ATP6AP1: variants seen among roughly 807,000 people sequenced by gnomAD.
ATP6AP1 encodes the protein ATPase H+ transporting accessory protein 1.
A neutral mutation model predicts 32.0 loss-of-function variants in ATP6AP1; 1 was observed. That is an observed-to-expected ratio of 0.03 (90% CI 0.01 to 0.15). ATP6AP1 has a LOEUF of 0.15. Among genes scored for constraint, ATP6AP1 ranks in the 10% least tolerant of loss-of-function variants. The pLI is 1.00. For missense variants in ATP6AP1, 297 were observed against 398.8 expected, an observed-to-expected ratio of 0.74 and a Z score of 2.17; for synonymous variants, 187 against 174.9, an observed-to-expected ratio of 1.07 and a Z score of -0.55.
At chrX:154,432,034 CA>C (rs2068696202) in intron 3 of ATP6AP1, 130 bp downstream of exon 3, 2 of 749,671 alleles carry the variant, frequency 2.7e-6, no homozygotes. Flanking sequence ...CCATCCCCCC[CA>C]AAAACAACAA....
At chrX:154,431,676 C>G in intron 2 of ATP6AP1, 154 bp from the exon 3 acceptor site, 1 of 519,091 alleles carries the variant, frequency 1.9e-6, no homozygotes, top group Non-Finnish European at 3.3e-6. Context: ...CCCACCCCAC[C>G]CCCACCAACA....
chrX:154,433,194 C>T (rs1557197118), intron 5 of ATP6AP1, among the ~76,000 whole-genome samples: 2 of 112,010 alleles, frequency 1.8e-5, no homozygotes, highest in African/African-American at 6.5e-5. Context: ...AGGGGGGCGG[C>T]TCTCTGTGCT....
chrX:154,431,569 T>A (rs1557196773), intron 2 of ATP6AP1: 2 of 349,846 alleles, frequency 5.7e-6, no homozygotes, highest in Non-Finnish European at 9.9e-6. Flanking sequence ...ACTCCTGAGT[T>A]ACCACAAGTC....
Position 154,435,978 on chromosome X carries a change from C to T in ATP6AP1, c.*87C>T. On this transcript the variant is annotated 3_prime_UTR_variant, in exon 10 of 10. Transcript: ENST00000369762. The stretch of plus-strand genomic sequence containing the variant: ...CAGCGCACTGGACTGAAGAGCTTCC[C>T]TCTTCCTACTGCAGCATGAACTGCA... 1 of 900,643 alleles carries T rather than the reference C, an allele frequency of 1.1e-6. No individual in the cohort carries two copies. The highest frequency in any genetic ancestry group is 1.6e-6 in the Non-Finnish European group (1 of 629,137). The allele number at this position is 900,643 out of a possible 1,213,427, so 74.2% of individuals were successfully genotyped here. A position where few individuals can be genotyped will look rare whatever the true frequency, so the allele number is the denominator to read the frequency against.
intron 4 of ATP6AP1, 60 bp downstream of exon 4, chrX:154,432,519 C>G: frequency 9.0e-7 from 1 of 1,111,070 alleles, no homozygotes; most frequent in Non-Finnish European, 1.2e-6. Flanking sequence ...AGGCCCTGGG[C>G]TATGGCATGT....
In ATP6AP1 at chrX:154,428,799, C is replaced by T; in HGVS notation, c.107C>T (p.Ala36Val). 1 of 1,121,524 alleles carries T rather than the reference C, an allele frequency of 8.9e-7. No homozygotes were observed. The highest frequency in any genetic ancestry group is 1.2e-6 in the Non-Finnish European group (1 of 858,338). The allele number at this position is 1,121,524 out of a possible 1,213,427, so 92.4% of individuals were successfully genotyped here. ...LPVFLSLAAA[A>V]AAAAAEQQVP... ...GTGTTTTTGTCGTTGGCGGCGGCGGCGGCGGCGGCAGCGGCGGAGCAGCAG... is the reference window on the plus strand; with the variant it reads ...GTGTTTTTGTCGTTGGCGGCGGCGGTGGCGGCGGCAGCGGCGGAGCAGCAG... The change falls in exon 1 of 10, where the codon GCG becomes GTG. Residue 36 changes from alanine (A) to valine (V), a missense_variant. By Grantham distance (64) the Ala-to-Val change is moderately conservative. Coordinates refer to ENST00000369762, the MANE Select transcript of ATP6AP1 (RefSeq NM_001183.6).
chrX:154,435,516 G>C lies in ATP6AP1; in HGVS notation c.1203+11G>C. 2.5e-6 allele frequency: 3 copies of C among 1,207,735 alleles called. No individual in the cohort carries two copies. The highest frequency in any genetic ancestry group is 3.4e-6 in the Non-Finnish European group (3 of 893,342). On this transcript the variant is annotated intron_variant, in intron 9 of 9. Transcript: ENST00000369762. ...CTTCAGGACTTCCAGGTATGGAGCG[G>C]GCGTGGCCCAGCTTCAGGTGGGGGA...
At chrX:154,431,754 G>A (rs782256057) in intron 2 of ATP6AP1, 76 bp from the exon 3 acceptor site, 24 of 1,011,227 alleles carry the variant, frequency 2.4e-5, no homozygotes, top group Admixed American at 6.7e-5. Flanking sequence ...GAATGCACGG[G>A]GAAGGTGGCT....
At position 154,432,468 on chromosome X, in the gene ATP6AP1, C is replaced by T. The variant is rs782179986; in HGVS notation, c.557+9C>T. On this transcript the variant is annotated intron_variant, in intron 4 of 9. Coordinates refer to ENST00000369762, the MANE Select transcript of ATP6AP1 (RefSeq NM_001183.6). ...CTGCCCTACACAGCCAGGTACTGCC[C>T]GCATGGCCCAGCCACCAGCCTCGGG... 1.5e-5 allele frequency: 18 copies of T among 1,163,586 alleles called. No individual in the cohort carries two copies. The highest frequency in any genetic ancestry group is 2.5e-5 in the Admixed American group (1 of 39,489).
chrX:154,433,803 C>A, intron 6 of ATP6AP1, 83 bp downstream of exon 6: 1 of 997,673 alleles, frequency 1.0e-6, no homozygotes, highest in South Asian at 2.1e-5. Context: ...GAGTGTATGC[C>A]ACAGGTAGGC....
At position 154,434,321 on chromosome X, in the gene ATP6AP1, G is replaced by A; in HGVS notation, c.798G>A (p.Arg266=). The A allele has an allele frequency of 1.7e-6, 2 of 1,211,878 alleles. No individual in the cohort carries two copies. The highest frequency in any genetic ancestry group is 2.2e-6 in the Non-Finnish European group (2 of 895,470). ...PPVSYNDTAP[R]ILFWAQNFSV... is the part of the protein sequence containing the mutation. ...TGAGTTACAATGACACCGCTCCCCG[G>A]ATCCTGTTCTGGGCCCAAAACTTCT... The change falls in exon 7 of 10, where the codon CGG becomes CGA. Residue 266 remains arginine (R), a synonymous_variant. Coordinates refer to ENST00000369762, the MANE Select transcript of ATP6AP1 (RefSeq NM_001183.6).
In ATP6AP1 at chrX:154,428,699, G is replaced by A; in HGVS notation, c.7G>A (p.Ala3Thr). MMAAMATARVRMG... is the reference protein window; with the variant it reads MMTAMATARVRMG... ...GGCAGTGGAGGCTGAGGCTATGATG[G>A]CGGCCATGGCGACGGCTCGAGTGCG... Residue 3 changes from alanine to threonine, a missense_variant, in exon 1 of 10, where the codon GCG becomes ACG. Around this residue, in one of 2 missense-constraint regions of ATP6AP1, gnomAD observed 142 missense variants for 145.0 expected, o/e 0.98. Coordinates refer to ENST00000369762, the MANE Select transcript of ATP6AP1 (RefSeq NM_001183.6). 8.7e-7 allele frequency: 1 copy of A among 1,150,230 alleles called. No individual in the cohort carries two copies. Among genetic ancestry groups the A allele is most frequent in the Non-Finnish European group, 1.2e-6 (1 of 868,831 alleles). 94.8% of individuals were successfully genotyped at this position (1,150,230 alleles called of 1,213,427 possible).
chrX:154,431,661 A>G, intron 2 of ATP6AP1, 169 bp from the exon 3 acceptor site: 1 of 493,058 alleles, frequency 2.0e-6, no homozygotes, highest in Non-Finnish European at 3.6e-6. Context: ...GGAAGAGGTG[A>G]GTCTCCCACC....
rs1339819012 is a variant in ATP6AP1, at chrX:154,435,984, C to T, written c.*93C>T. ...ACTGGACTGAAGAGCTTCCCTCTTCCTACTGCAGCATGAACTGCAAGCTCC... is the reference window on the plus strand; with the variant it reads ...ACTGGACTGAAGAGCTTCCCTCTTCTTACTGCAGCATGAACTGCAAGCTCC... On this transcript the variant is annotated 3_prime_UTR_variant, in exon 10 of 10. Transcript: ENST00000369762. 1.1e-6 allele frequency: 1 copy of T among 878,838 alleles called. No homozygotes were observed. The highest frequency in any genetic ancestry group is 2.0e-5 in the African/African-American group (1 of 50,722). 72.4% of individuals were successfully genotyped at this position (878,838 alleles called of 1,213,427 possible).
Position 154,433,710 on chromosome X carries a change from G to A in ATP6AP1, c.674G>A (p.Arg225His), listed in dbSNP as rs782349780. ...VPYTAALTAV[R>H]PSRVARDVAV... ...TACACAGCGGCCCTCACAGCGGTCC[G>A]CCCTTCCAGGGTATGTGCCCTTCCA... Residue 225 changes from arginine (R) to histidine (H), a missense_variant, in exon 6 of 10, where the codon CGC (arginine) becomes CAC (histidine). Physicochemically the swap from Arg to His is conservative, Grantham distance 29. This residue lies in a region of ATP6AP1 where 155 missense variants were observed against 253.8 expected (regional missense o/e 0.61). Coordinates refer to ENST00000369762, the MANE Select transcript of ATP6AP1 (RefSeq NM_001183.6). 13 of 1,209,261 alleles carry A rather than the reference G, an allele frequency of 1.1e-5. No homozygotes were observed. The highest frequency in any genetic ancestry group is 1.7e-5 in the African/African-American group (1 of 57,268).
intron 9 of ATP6AP1, 59 bp downstream of exon 9, chrX:154,435,564 CG>C (rs2068715030): frequency 8.5e-7 from 1 of 1,181,492 alleles, no homozygotes; most frequent in African/African-American, 1.8e-5. Flanking sequence ...GGTTGAGAGA[CG>C]AAGAGAGGCT....
At chrX:154,435,077 C>T in intron 7 of ATP6AP1, 62 bp from the exon 8 acceptor site, 1 of 1,153,621 alleles carries the variant, frequency 8.7e-7, no homozygotes, top group Non-Finnish European at 1.2e-6. Flanking sequence ...GGAACTTGTT[C>T]CTCTAAGATG....
At chrX:154,429,953 G>A (rs1278265211) in intron 2 of ATP6AP1, 2 of 112,152 alleles carry the variant, frequency 1.8e-5, no homozygotes, top group Non-Finnish European at 3.8e-5. Context: ...AGTCTTTTCA[G>A]GAGGTGGTAA....
chrX:154,435,751 G>A lies in ATP6AP1; in HGVS notation c.1273G>A (p.Gly425Ser), dbSNP rs139996783. 4.1e-6 allele frequency: 5 copies of A among 1,209,932 alleles called. No homozygotes were observed. Among genetic ancestry groups the A allele is most frequent in the African/African-American group, 3.5e-5 (2 of 57,097 alleles). ...ASDCASFFSPGIWMGLLTSLF... is the reference protein window; with the variant it reads ...ASDCASFFSPSIWMGLLTSLF... ...CGACTGTGCCAGCTTCTTCTCCCCCGGCATCTGGATGGGGCTGCTCACCTC... is the reference window on the plus strand; with the variant it reads ...CGACTGTGCCAGCTTCTTCTCCCCCAGCATCTGGATGGGGCTGCTCACCTC... The change falls in exon 10 of 10, where the codon GGC (glycine) becomes AGC (serine). Residue 425 changes from glycine (G) to serine (S), a missense_variant. Transcript: ENST00000369762.
Sources: gnomAD v4.1 joint callset for allele counts (sites outside exome capture counted in the v4.1 genomes callset) on GRCh38, gnomAD v4.1.1 for gene constraint, gnomAD v4.1.1 regional missense constraint, MANE v1.5 for transcripts, NCBI Gene and HGNC (gene_info 2026-07-23, HGNC 2026-07-21) for gene names.